SLC16A7: variants seen among roughly 807,000 people sequenced by gnomAD.
The protein encoded by SLC16A7 is monocarboxylate transporter 2.
A neutral mutation model predicts 34.9 loss-of-function variants in SLC16A7; 33 were observed. The observed-to-expected ratio is 0.94, with a 90% CI of 0.72 to 1.26. SLC16A7 has a LOEUF of 1.26. Ranked by LOEUF, SLC16A7 falls within the 50% of genes most tolerant of loss-of-function variation. SLC16A7 has a pLI of 0.00. For synonymous variants in SLC16A7, 201 were observed against 206.6 expected, an observed-to-expected ratio of 0.97 and a Z score of 0.23; for missense variants, 573 against 578.1, an observed-to-expected ratio of 0.99 and a Z score of 0.09.
At chr12:59,692,719 C>A (rs1363601352) in intron 2 of SLC16A7, among the ~76,000 whole-genome samples, 1 of 151,938 alleles carries the variant, frequency 6.6e-6, no homozygotes, top group Non-Finnish European at 1.5e-5. Context: ...AGTCATTTAA[C>A]CACCGCAATA....
intron 3 of SLC16A7, among the ~76,000 whole-genome samples, chr12:59,715,535 G>C (rs1344559317): frequency 2.0e-5 from 3 of 152,058 alleles, no homozygotes. Context: ...GTATTATATA[G>C]ACCCTGAAAA....
intron 3 of SLC16A7, among the ~76,000 whole-genome samples, chr12:59,770,484 A>C (rs758780422): frequency 3.0e-4 from 45 of 152,160 alleles, no homozygotes; most frequent in Non-Finnish European, 5.0e-4. Flanking sequence ...ATCAGGATTT[A>C]TATTTATATT....
rs1343787010 is a variant in SLC16A7, at chr12:59,679,238, C to T, written c.-31+23988C>T. Among the ~76,000 whole-genome samples, 5 of 152,162 alleles carry T rather than the reference C, an allele frequency of 3.3e-5. No homozygotes were observed. In the East Asian group the frequency reaches 5.8e-4, roughly 18 times the overall value. On this transcript the variant is annotated intron_variant, in intron 2 of 5. Coordinates refer to ENST00000547379, the MANE Select transcript of SLC16A7 (RefSeq NM_001270623.2). ...CGGGTCCCCAGCCATGGCTCAGTGG[C>T]CACAGCTGCTCCCAGGGAGTGCAAG...
rs956776982 is a variant in SLC16A7 at position 59,789,824 on chromosome 12, A to T, written c.*10145A>T. 5 of 149,044 alleles carry T rather than the reference A, an allele frequency of 3.4e-5. No homozygotes were observed. Among genetic ancestry groups the T allele is most frequent in the African/African-American group, 4.8e-5 (2 of 41,298 alleles). 9.2% of individuals were successfully genotyped at this position (149,044 alleles called of 1,614,324 possible). ...TTGCTTATTAAATTAAAATTAAAATAAAAAAATTCATGTTAAATTTTTGAA... is the reference window on the plus strand; with the variant it reads ...TTGCTTATTAAATTAAAATTAAAATTAAAAAATTCATGTTAAATTTTTGAA... On this transcript the variant is annotated 3_prime_UTR_variant, in exon 6 of 6. Transcript: ENST00000547379.
intron 1 of SLC16A7, among the ~76,000 whole-genome samples, chr12:59,614,528 T>C (rs1044953688): frequency 1.3e-5 from 2 of 152,160 alleles, no homozygotes; most frequent in African/African-American, 4.8e-5. Flanking sequence ...TGAAAAATTA[T>C]ATATTCTTTG....
chr12:59,676,309 T>C (rs1565643641), intron 2 of SLC16A7, among the ~76,000 whole-genome samples: 1 of 152,218 alleles, frequency 6.6e-6, no homozygotes, highest in Non-Finnish European at 1.5e-5. Context: ...TTGTATTGAA[T>C]ATATGTGCAT....
rs1883137636 is a variant in SLC16A7 at position 59,780,168 on chromosome 12, G to A, written c.*489G>A. On this transcript the variant is annotated 3_prime_UTR_variant, in exon 6 of 6. Coordinates refer to ENST00000547379, the MANE Select transcript of SLC16A7 (RefSeq NM_001270623.2). ...CATACTCCCACATACTTACCCACAT[G>A]TACACAGAGTATCTGGAGAATAAAA... 2 of 151,348 alleles carry A rather than the reference G, an allele frequency of 1.3e-5. No individual in the cohort carries two copies. The highest frequency in any genetic ancestry group is 4.2e-4 in the South Asian group (2 of 4,808). The allele number at this position is 151,348 out of a possible 1,614,324, so 9.4% of individuals were successfully genotyped here.
intron 3 of SLC16A7, among the ~76,000 whole-genome samples, chr12:59,730,212 GAA>G (rs3084988): frequency 0.43 from 63,479 of 146,198 alleles, 14,520 homozygotes; most frequent in African/African-American, 0.61. Context: ...CAATACAAAA[GAA>G]AAAAAAAAAA....
At chr12:59,700,648 G>A (rs529582517) in intron 2 of SLC16A7, among the ~76,000 whole-genome samples, 8 of 150,968 alleles carry the variant, frequency 5.3e-5, no homozygotes, top group South Asian at 2.1e-4. Context: ...ATATACACAC[G>A]TACATATATG....
intron 1 of SLC16A7, among the ~76,000 whole-genome samples, chr12:59,624,539 T>G (rs919471446): frequency 1.3e-5 from 2 of 151,828 alleles, no homozygotes; most frequent in Non-Finnish European, 2.9e-5. Flanking sequence ...AAGTTTGCTT[T>G]TCTCTTTGCT....
intron 3 of SLC16A7, chr12:59,769,200 C>A (rs1881981498): frequency 6.6e-6 from 1 of 152,086 alleles, no homozygotes; most frequent in South Asian, 2.1e-4. Context: ...TAATTCAATG[C>A]ACACTTAATA....
At chr12:59,771,547 TA>T (rs1327543646) in intron 4 of SLC16A7, among the ~76,000 whole-genome samples, 185 bp downstream of exon 4, 1 of 152,130 alleles carries the variant, frequency 6.6e-6, no homozygotes, top group African/African-American at 2.4e-5. Flanking sequence ...ATTTCATTTT[TA>T]AAAAAATAAA....
intron 3 of SLC16A7, chr12:59,733,981 C>T: frequency 2.7e-6 from 1 of 369,230 alleles, no homozygotes; most frequent in South Asian, 2.0e-5. Context: ...GAAGTGCATG[C>T]TGATTGGTCT....
intron 3 of SLC16A7, chr12:59,735,833 T>A (rs1877526299): frequency 5.3e-6 from 2 of 378,148 alleles, no homozygotes; most frequent in Non-Finnish European, 7.9e-6. Flanking sequence ...TTTTATGTTA[T>A]GAAGATTGCC....
intron 2 of SLC16A7, among the ~76,000 whole-genome samples, chr12:59,684,862 C>T (rs1871027416): frequency 6.6e-6 from 1 of 152,012 alleles, no homozygotes; most frequent in Admixed American, 6.6e-5. Context: ...AAGAGGCCAG[C>T]CTACAGGTCT....
chr12:59,754,472 C>A (rs1177706968), intron 3 of SLC16A7, among the ~76,000 whole-genome samples: 4 of 151,898 alleles, frequency 2.6e-5, no homozygotes, highest in Admixed American at 6.6e-5. Flanking sequence ...GAGAATACTA[C>A]AAACACCTCT....
rs147720333 is a variant in SLC16A7, at chr12:59,699,655, T to A, written c.-30-5117T>A. Reference sequence around the variant, plus strand: ...TCTCTATACATAGTTATGGGTTACATATAGATATAGATACATACACATGTA... The same window carrying A: ...TCTCTATACATAGTTATGGGTTACAAATAGATATAGATACATACACATGTA... On this transcript the variant is annotated intron_variant, in intron 2 of 5. Coordinates refer to ENST00000547379, the MANE Select transcript of SLC16A7 (RefSeq NM_001270623.2). Among the ~76,000 whole-genome samples the A allele has an allele frequency of 1.4e-3, 213 of 151,902 alleles. 1 individual carries two copies. Among genetic ancestry groups the A allele is most frequent in the Middle Eastern group, 6.8e-3 (2 of 294 alleles).
intron 1 of SLC16A7, among the ~76,000 whole-genome samples, chr12:59,631,213 G>C (rs1426015859): frequency 2.0e-5 from 3 of 151,912 alleles, no homozygotes; most frequent in Non-Finnish European, 4.4e-5. Context: ...TCATAGCTCA[G>C]GCAAAGACAT....
intron 1 of SLC16A7, among the ~76,000 whole-genome samples, chr12:59,615,144 G>A (rs1167563731): frequency 6.6e-6 from 1 of 152,090 alleles, no homozygotes; most frequent in Non-Finnish European, 1.5e-5. Flanking sequence ...GTACTATCCT[G>A]GAAGGAGAGA....
Sources: gnomAD v4.1 joint callset for allele counts (sites outside exome capture counted in the v4.1 genomes callset) on GRCh38, gnomAD v4.1.1 for gene constraint, MANE v1.5 for transcripts, NCBI Gene and HGNC (gene_info 2026-07-23, HGNC 2026-07-21) for gene names.